Variants in CDH13 observed in about 807,000 individuals in gnomAD.
CDH13 encodes cadherin-13.
In CDH13, 24 loss-of-function variants were observed where a neutral mutation model predicts 63.8. The observed-to-expected ratio is 0.38, with a 90% confidence interval of 0.27 to 0.53. The LOEUF is 0.53. Ranked by LOEUF, CDH13 falls within the 20% of genes least tolerant of loss-of-function variation. The pLI is 0.85. For synonymous variants in CDH13, 503 were observed against 355.3 expected (o/e 1.42, Z -4.67); for missense variants, 1,049 against 903.1 (o/e 1.16, Z -2.07).
At chr16:82,827,467 A>G (rs576384600) in intron 1 of CDH13, among the ~76,000 whole-genome samples, 3 of 152,230 alleles carry the variant, frequency 2.0e-5, no homozygotes, top group South Asian at 4.2e-4. Context: ...GCTGTGATGC[A>G]TTTCATGAGG....
At chr16:83,790,547 C>T (rs1916190999) in intron 13 of CDH13, among the ~76,000 whole-genome samples, 1 of 152,124 alleles carries the variant, frequency 6.6e-6, no homozygotes, top group South Asian at 2.1e-4. Flanking sequence ...CTACAAGCGC[C>T]CGCCACCATG....
chr16:83,767,657 A>G (rs569154500), intron 11 of CDH13, among the ~76,000 whole-genome samples: 2 of 152,356 alleles, frequency 1.3e-5, no homozygotes, highest in East Asian at 1.9e-4. Context: ...ATGGATTATT[A>G]TTCAGCCATA....
chr16:83,146,906 G>A (rs1359579719), intron 4 of CDH13, among the ~76,000 whole-genome samples: 2 of 152,174 alleles, frequency 1.3e-5, no homozygotes, highest in Non-Finnish European at 2.9e-5. Context: ...TAGTCAACAT[G>A]GTGAAACCCT....
At position 83,003,995 on chromosome 16, in the gene CDH13, T is replaced by G. The variant is rs116533632; in HGVS notation, c.158-28015T>G. On this transcript the variant is annotated intron_variant, in intron 2 of 13. Coordinates refer to ENST00000567109, the MANE Select transcript of CDH13 (RefSeq NM_001257.5). The stretch of plus-strand genomic sequence containing the variant: ...ATTAACAAAGGAAGAGGTAGGAGAA[T>G]CAAGACAATCGAATGTGTCAGACTA... Among the ~76,000 whole-genome samples the G allele has an allele frequency of 8.3e-3, 1,257 of 152,292 alleles. 21 individuals carry two copies. Among genetic ancestry groups the G allele is most frequent in the African/African-American group, 0.029 (1,206 of 41,550 alleles).
intron 7 of CDH13, among the ~76,000 whole-genome samples, chr16:83,560,106 A>T (rs1377247402): frequency 6.6e-6 from 1 of 152,140 alleles, no homozygotes; most frequent in Non-Finnish European, 1.5e-5. Flanking sequence ...TATGTGATGA[A>T]TACGTATTGA....
At chr16:82,677,259 A>G (rs1044072122) in intron 1 of CDH13, among the ~76,000 whole-genome samples, 1 of 152,140 alleles carries the variant, frequency 6.6e-6, no homozygotes, top group African/African-American at 2.4e-5. Flanking sequence ...TTTCAGGTCT[A>G]TTGCCACTTC....
intron 5 of CDH13, among the ~76,000 whole-genome samples, chr16:83,270,720 C>T (rs1336901980): frequency 6.6e-6 from 1 of 152,150 alleles, no homozygotes. Flanking sequence ...TATCTGTCAT[C>T]TTCTATCCTC....
intron 4 of CDH13, among the ~76,000 whole-genome samples, chr16:83,188,919 C>T (rs750984072): frequency 3.9e-5 from 6 of 152,170 alleles, no homozygotes; most frequent in East Asian, 1.9e-4. Context: ...GGAAGAGGCA[C>T]GCTTGGAGTG....
chr16:83,259,984 G>A (rs11641456), intron 5 of CDH13, among the ~76,000 whole-genome samples: 7 of 151,938 alleles, frequency 4.6e-5, no homozygotes, highest in Admixed American at 6.5e-5. Flanking sequence ...TGCTTCTTAC[G>A]TGGCTCTCTC....
chr16:83,708,493 G>A (rs966140364), intron 10 of CDH13, among the ~76,000 whole-genome samples: 6 of 152,052 alleles, frequency 3.9e-5, no homozygotes, highest in Non-Finnish European at 8.8e-5. Flanking sequence ...GTCTTTTTCT[G>A]TCTAGGTTCT....
At position 83,214,995 on chromosome 16, in the gene CDH13, C is replaced by T. The variant is rs2039453629; in HGVS notation, c.484-2350C>T. On this transcript the variant is annotated intron_variant, in intron 4 of 13. Transcript: ENST00000567109. The stretch of plus-strand genomic sequence containing the variant: ...GCTTCCAGGCAGCAAGTAGAGGGGT[C>T]AGTGGAAAAGTATCAGTTGGATTAA... Among the ~76,000 whole-genome samples the T allele has an allele frequency of 2.1e-5, 3 of 145,916 alleles. No homozygotes were observed. In the South Asian group the frequency reaches 6.6e-4, roughly 32 times the overall value.
intron 4 of CDH13, among the ~76,000 whole-genome samples, chr16:83,146,259 A>AT (rs1366564257): frequency 6.6e-6 from 1 of 152,130 alleles, no homozygotes; most frequent in Non-Finnish European, 1.5e-5. Flanking sequence ...GGAAAGAAGA[A>AT]TGGACATTTC....
At position 82,719,516 on chromosome 16, in the gene CDH13, C is replaced by A. The variant is rs138175110; in HGVS notation, c.45+92379C>A. Reference sequence around the variant, plus strand: ...TGTGAAGGCAGTGATGGAAGTGGAGCTGGGGCTCCTTCCCCCTCTGTTTTA... The same window carrying A: ...TGTGAAGGCAGTGATGGAAGTGGAGATGGGGCTCCTTCCCCCTCTGTTTTA... On this transcript the variant is annotated intron_variant, in intron 1 of 13. Coordinates refer to ENST00000567109, the MANE Select transcript of CDH13 (RefSeq NM_001257.5). The A allele has an allele frequency of 5.6e-5, 25 of 449,298 alleles. No homozygotes were observed. In the East Asian group the frequency reaches 1.6e-3, roughly 29 times the overall value. The allele number at this position is 449,298 out of a possible 1,614,324, so 27.8% of individuals were successfully genotyped here. A position where few individuals can be genotyped will look rare whatever the true frequency, so the allele number is the denominator to read the frequency against.
chr16:82,719,528 C>T (rs892770832), intron 1 of CDH13: 3 of 444,180 alleles, frequency 6.8e-6, no homozygotes, highest in Middle Eastern at 3.4e-4. Flanking sequence ...GGGGCTCCTT[C>T]CCCCTCTGTT....
At chr16:83,536,232 C>T (rs958396596) in intron 7 of CDH13, among the ~76,000 whole-genome samples, 2 of 152,152 alleles carry the variant, frequency 1.3e-5, no homozygotes, top group African/African-American at 4.8e-5. Context: ...CTTCATAGAG[C>T]TTACAATGTA....
chr16:83,135,305 C>T (rs1327299087), intron 4 of CDH13, among the ~76,000 whole-genome samples: 1 of 152,256 alleles, frequency 6.6e-6, no homozygotes, highest in Non-Finnish European at 1.5e-5. Flanking sequence ...TTCAATGCCA[C>T]ATCAGTGATC....
chr16:82,632,001 G>T (rs1238677038), intron 1 of CDH13, among the ~76,000 whole-genome samples: 1 of 152,126 alleles, frequency 6.6e-6, no homozygotes, highest in African/African-American at 2.4e-5. Context: ...AGTTTGTTTG[G>T]CTCAAATGTT....
chr16:83,744,330 G>A lies in CDH13; in HGVS notation c.1539-3778G>A, dbSNP rs541348210. ...TCACACTGGATGAACGAGAGGAGACGTATGAGTGGGGTCTTGAAACAGTAA... is the reference window on the plus strand; with the variant it reads ...TCACACTGGATGAACGAGAGGAGACATATGAGTGGGGTCTTGAAACAGTAA... On this transcript the variant is annotated intron_variant, in intron 10 of 13. Coordinates refer to ENST00000567109, the MANE Select transcript of CDH13 (RefSeq NM_001257.5). 1.1e-4 allele frequency among the ~76,000 whole-genome samples: 16 copies of A among 152,348 alleles called. No individual in the cohort carries two copies. In the East Asian group the frequency reaches 1.4e-3, roughly 13 times the overall value.
At chr16:83,697,836 G>A (rs1438782972) in intron 10 of CDH13, among the ~76,000 whole-genome samples, 1 of 152,166 alleles carries the variant, frequency 6.6e-6, no homozygotes, top group East Asian at 1.9e-4. Flanking sequence ...TAGTAGAGAT[G>A]GAGTTTCACC....
Sources: allele counts gnomAD v4.1 joint callset (sites outside exome capture counted in the v4.1 genomes callset), GRCh38; gene constraint gnomAD v4.1.1; transcripts MANE v1.5; gene names NCBI Gene and HGNC (gene_info 2026-07-23, HGNC 2026-07-21).